The following SLC2A14 variants were observed in gnomAD, a reference collection of about 807,000 sequenced individuals.
SLC2A14 encodes the protein solute carrier family 2 member 14.
A neutral mutation model predicts 43.0 loss-of-function variants in SLC2A14; 13 were observed. The observed-to-expected ratio is 0.30, with a 90% CI of 0.20 to 0.48. SLC2A14 has a LOEUF of 0.48. Ranked by LOEUF, SLC2A14 falls within the 20% of genes least tolerant of loss-of-function variation. The probability of loss-of-function intolerance (pLI) is 0.99; values close to 1 mark genes in which losing one functional copy is unlikely to be tolerated. For synonymous variants in SLC2A14, 190 were observed against 233.8 expected (o/e 0.81, Z 1.71); for missense variants, 428 against 620.4 (o/e 0.69, Z 3.29).
At chr12:7,826,825 C>CT (rs1168473880) in intron 7 of SLC2A14, among the ~76,000 whole-genome samples, 2 of 58,036 alleles carry the variant, frequency 3.4e-5, no homozygotes, top group African/African-American at 1.1e-4. Flanking sequence ...TTTTTTCTTT[C>CT]TTTCTTTCTT....
intron 2 of SLC2A14, among the ~76,000 whole-genome samples, chr12:7,864,410 C>T (rs1592291336): frequency 6.6e-6 from 1 of 152,286 alleles, no homozygotes; most frequent in East Asian, 1.9e-4. Context: ...GCAATCTCAG[C>T]TCACTGCAAC....
intron 10 of SLC2A14, 50 bp downstream of exon 10, chr12:7,817,781 C>T (rs5015584): frequency 0.081 from 48,329 of 598,598 alleles, 827 homozygotes; most frequent in East Asian, 0.17. Flanking sequence ...GATAGATAGA[C>T]AGATACATAG....
Position 7,828,577 on chromosome 12 carries a change from C to T in SLC2A14, c.676+127G>A, listed in dbSNP as rs79446693. 1,695 of 1,047,080 alleles carry T rather than the reference C, an allele frequency of 1.6e-3. 20 individuals are homozygous for T. In the African/African-American group the frequency reaches 0.023, roughly 14 times the overall value. The allele number at this position is 1,047,080 out of a possible 1,614,324, so 64.9% of individuals were successfully genotyped here. A position where few individuals can be genotyped will look rare whatever the true frequency, so the allele number is the denominator to read the frequency against. On this transcript the variant is annotated intron_variant, in intron 6 of 10. Coordinates refer to ENST00000431042, the MANE Select transcript of SLC2A14 (RefSeq NM_001286234.2). ...AAAAGAAAAAACAAAGTAGAGTAATCAGAACCATCTTCACTTGGATTCTGA... is the reference window on the plus strand; with the variant it reads ...AAAAGAAAAAACAAAGTAGAGTAATTAGAACCATCTTCACTTGGATTCTGA...
Position 7,814,518 on chromosome 12 carries a change from T to C in SLC2A14, c.1292A>G (p.Tyr431Cys). The C allele has an allele frequency of 6.2e-7, 1 of 1,613,678 alleles. No homozygotes were observed. Among genetic ancestry groups the C allele is most frequent in the Non-Finnish European group, 8.5e-7 (1 of 1,179,812 alleles). Residue 431 changes from tyrosine to cysteine, a missense_variant, in exon 11 of 11, where the codon TAC becomes TGC. Tyr to Cys is a radical substitution (Grantham distance 194, BLOSUM62 -2). Transcript: ENST00000431042. ...FPSAAYYLGA[Y>C]VFIIFTGFLI... ...GAAGCCGGTGAAGATAATAAAAACG[T>C]AGGCTCCTAAATAGTACTAGTGAAA...
In SLC2A14 at chr12:7,869,871, T is replaced by C. The variant is rs965235622; in HGVS notation, c.10A>G (p.Arg4Gly). 9 of 1,519,562 alleles carry C rather than the reference T, an allele frequency of 5.9e-6. No homozygotes were observed. Among genetic ancestry groups the C allele is most frequent in the Non-Finnish European group, 7.1e-6 (8 of 1,132,276 alleles). 94.1% of individuals were successfully genotyped at this position (1,519,562 alleles called of 1,614,324 possible). A position where few individuals can be genotyped will look rare whatever the true frequency, so the allele number is the denominator to read the frequency against. MDN[R>G]QNVTPALIFA... ...TCAGTTTTAATACTCACATTCTGTCTGTTGTCCATCTCTCTGCTATCCTAG... is the reference window on the plus strand; with the variant it reads ...TCAGTTTTAATACTCACATTCTGTCCGTTGTCCATCTCTCTGCTATCCTAG... The change falls in exon 2 of 11, where the codon AGA (arginine) becomes GGA (glycine). Residue 4 changes from arginine (R) to glycine (G), a missense_variant. By Grantham distance (125) the Arg-to-Gly change is moderately radical. Coordinates refer to ENST00000431042, the MANE Select transcript of SLC2A14 (RefSeq NM_001286234.2).
chr12:7,891,039 G>C (rs1375894653), exon 1 of SLC2A14: 3 of 1,534,972 alleles, frequency 2.0e-6, no homozygotes, highest in Non-Finnish European at 2.6e-6. Flanking sequence ...CAGAGTGGAG[G>C]TCTGAGAAGA....
intron 2 of SLC2A14, among the ~76,000 whole-genome samples, chr12:7,848,857 C>CA (rs1005334311): frequency 2.0e-5 from 3 of 150,068 alleles, no homozygotes; most frequent in African/African-American, 7.3e-5. Flanking sequence ...CGCCCGGCCT[C>CA]TTTTTTTTTC....
intron 9 of SLC2A14, 58 bp from the exon 10 acceptor site, chr12:7,818,092 G>C: frequency 6.6e-7 from 1 of 1,522,164 alleles, no homozygotes; most frequent in South Asian, 1.3e-5. Context: ...CCAGGATCTA[G>C]GTTCCCAGAG....
At chr12:7,863,228 C>T (rs117102396) in intron 2 of SLC2A14, 9 of 338,750 alleles carry the variant, frequency 2.7e-5, no homozygotes, top group South Asian at 1.3e-4. Flanking sequence ...TTAAGAGCTG[C>T]GACACTCACG....
intron 2 of SLC2A14, among the ~76,000 whole-genome samples, chr12:7,844,682 A>G (rs1866310544): frequency 6.6e-6 from 1 of 151,878 alleles, no homozygotes. Context: ...GATTACAGGC[A>G]AATGCCACCA....
intron 7 of SLC2A14, among the ~76,000 whole-genome samples, chr12:7,826,909 CTT>C (rs1555121674): frequency 9.9e-5 from 8 of 81,174 alleles, no homozygotes; most frequent in African/African-American, 4.1e-4. Flanking sequence ...TTCTTTCTTT[CTT>C]TCTTTTTCCT....
At chr12:7,880,690 CAAAAAAAA>C (rs753621437) in intron 1 of SLC2A14, among the ~76,000 whole-genome samples, 11 of 65,142 alleles carry the variant, frequency 1.7e-4, no homozygotes, top group African/African-American at 4.1e-4. Context: ...AGCTGGGTCT[CAAAAAAAA>C]AAAAAAAAAA....
At chr12:7,879,898 A>AG (rs1945535821) in intron 1 of SLC2A14, among the ~76,000 whole-genome samples, 1 of 150,884 alleles carries the variant, frequency 6.6e-6, no homozygotes, top group African/African-American at 2.4e-5. Flanking sequence ...CCCAGCTACT[A>AG]GGGAGCCAGA....
intron 2 of SLC2A14, chr12:7,863,458 CTA>C (rs1362849274): frequency 2.2e-6 from 1 of 452,472 alleles, no homozygotes; most frequent in Non-Finnish European, 4.4e-6. Flanking sequence ...AACTCCATCT[CTA>C]TTAAAAATAC....
At chr12:7,831,431 G>A in intron 4 of SLC2A14, 173 bp downstream of exon 4, 3 of 933,954 alleles carry the variant, frequency 3.2e-6, no homozygotes, top group Non-Finnish European at 4.8e-6. Flanking sequence ...CTCCAGGGTA[G>A]TAGAGCTCCA....
chr12:7,829,866 A>G lies in SLC2A14; in HGVS notation c.413T>C (p.Phe138Ser). 2.5e-6 allele frequency: 4 copies of G among 1,614,188 alleles called. No individual in the cohort carries two copies. The highest frequency in any genetic ancestry group is 3.4e-6 in the Non-Finnish European group (4 of 1,180,034). The change falls in exon 5 of 11, where the codon TTT becomes TCT. Residue 138 changes from phenylalanine (F) to serine (S), a missense_variant. Physicochemically the swap from Phe to Ser is radical, Grantham distance 155. Around this residue, in one of 4 missense-constraint regions of SLC2A14, gnomAD observed 185 missense variants for 275.4 expected, o/e 0.67. Transcript: ENST00000431042. ...IGLFCGLCTG[F>S]VPMYIGEISP... Reference sequence around the variant, plus strand: ...GATCTCTCCAATGTACATGGGCACAAAACCTGTGCAGAGTCCGCAGAAGAG... The same window carrying G: ...GATCTCTCCAATGTACATGGGCACAGAACCTGTGCAGAGTCCGCAGAAGAG...
At chr12:7,860,626 A>C (rs1366463522) in intron 2 of SLC2A14, 2 of 152,350 alleles carry the variant, frequency 1.3e-5, no homozygotes, top group African/African-American at 4.8e-5. Flanking sequence ...AAATCACTGC[A>C]AGAAAAACGC....
chr12:7,842,322 A>G (rs1866022216), intron 2 of SLC2A14, among the ~76,000 whole-genome samples: 1 of 152,174 alleles, frequency 6.6e-6, no homozygotes, highest in South Asian at 2.1e-4. Context: ...TACGAATAAA[A>G]CTGCTCTAAA....
rs773503696 is a variant in SLC2A14 at position 7,853,814 on chromosome 12, T to C, written c.18+16049A>G. 5.3e-5 allele frequency among the ~76,000 whole-genome samples: 8 copies of C among 152,262 alleles called. 1 individual carries two copies. The South Asian group carries it at 1.5e-3, about 28-fold the overall frequency. ...GAACAGCTGGAGAAACTAGAATTGA[T>C]TGTTTAGCTCAGAAAATAAAAGATG... On this transcript the variant is annotated intron_variant, in intron 2 of 10. Coordinates refer to ENST00000431042, the MANE Select transcript of SLC2A14 (RefSeq NM_001286234.2).
Sources: gnomAD v4.1 joint callset for allele counts (sites outside exome capture counted in the v4.1 genomes callset) on GRCh38, gnomAD v4.1.1 for gene constraint, gnomAD v4.1.1 regional missense constraint, MANE v1.5 for transcripts, NCBI Gene and HGNC (gene_info 2026-07-23, HGNC 2026-07-21) for gene names.